SLC25A31: variants seen among roughly 807,000 people sequenced by gnomAD.
The protein encoded by SLC25A31 is solute carrier family 25 member 31.
SLC25A31 carries 40 observed loss-of-function variants against 36.2 expected under a neutral mutation model. The observed-to-expected ratio is 1.10, with a 90% CI of 0.86 to 1.44. The LOEUF is 1.44. Among genes scored for constraint, SLC25A31 ranks in the 40% most tolerant of loss-of-function variants. The pLI is 0.00. For missense variants in SLC25A31, 350 were observed against 397.1 expected (o/e 0.88, Z 1.01); for synonymous variants, 143 against 149.7 (o/e 0.96, Z 0.32).
intron 2 of SLC25A31, among the ~76,000 whole-genome samples, chr4:127,747,315 T>A (rs544401830): frequency 3.4e-4 from 52 of 152,318 alleles, no homozygotes; most frequent in Admixed American, 2.3e-3. Context: ...CATTGGTAGT[T>A]TGATAGGAAT....
chr4:127,749,779 A>G (rs1731894345), intron 2 of SLC25A31, among the ~76,000 whole-genome samples: 1 of 151,940 alleles, frequency 6.6e-6, no homozygotes. Context: ...AGGCTGGGAT[A>G]ACTCTGGTTA....
At chr4:127,733,069 A>C (rs1420028794) in intron 1 of SLC25A31, among the ~76,000 whole-genome samples, 1 of 152,212 alleles carries the variant, frequency 6.6e-6, no homozygotes, top group African/African-American at 2.4e-5. Context: ...GCCTAGAAAT[A>C]ACTTAACTCT....
chr4:127,731,429 G>A (rs1251639022), intron 1 of SLC25A31, among the ~76,000 whole-genome samples: 2 of 151,996 alleles, frequency 1.3e-5, no homozygotes, highest in East Asian at 1.9e-4. Flanking sequence ...AAGGCCAGGC[G>A]CGGTGGCTCA....
rs561961418 is a variant in SLC25A31 at position 127,766,157 on chromosome 4, T to G, written c.479-909T>G. Among the ~76,000 whole-genome samples the G allele has an allele frequency of 1.5e-4, 22 of 151,658 alleles. 1 individual carries two copies. Among genetic ancestry groups the G allele is most frequent in the East Asian group, 9.7e-4 (5 of 5,180 alleles). ...GTCCTGGAGTTTTTTTATTTGTTTT[T>G]TTTTTTGTTTTTTGTTTTTGTTTTT... On this transcript the variant is annotated intron_variant, in intron 3 of 5. Coordinates refer to ENST00000281154, the MANE Select transcript of SLC25A31 (RefSeq NM_031291.4).
At chr4:127,758,756 A>G (rs570069013) in intron 2 of SLC25A31, among the ~76,000 whole-genome samples, 1 of 151,844 alleles carries the variant, frequency 6.6e-6, no homozygotes, top group Non-Finnish European at 1.5e-5. Context: ...ATTATTGTCA[A>G]CTTTGTTAAA....
At chr4:127,742,824 A>G (rs1379559797) in intron 1 of SLC25A31, among the ~76,000 whole-genome samples, 1 of 152,080 alleles carries the variant, frequency 6.6e-6, no homozygotes, top group Non-Finnish European at 1.5e-5. Flanking sequence ...GAGTGTTGGT[A>G]TGTTGTGTTT....
At chr4:127,744,262 G>A (rs1375301332) in intron 1 of SLC25A31, among the ~76,000 whole-genome samples, 1 of 152,164 alleles carries the variant, frequency 6.6e-6, no homozygotes, top group Admixed American at 6.5e-5. Flanking sequence ...TCATAAGTAT[G>A]TGTACAAATC....
intron 2 of SLC25A31, among the ~76,000 whole-genome samples, chr4:127,760,561 T>C (rs955025873): frequency 4.6e-5 from 7 of 152,232 alleles, no homozygotes; most frequent in Non-Finnish European, 7.3e-5. Context: ...TGCTCCCAGC[T>C]CTCTTCCTTG....
At chr4:127,766,216 G>A (rs1732240500) in intron 3 of SLC25A31, among the ~76,000 whole-genome samples, 2 of 150,140 alleles carry the variant, frequency 1.3e-5, no homozygotes, top group African/African-American at 2.5e-5. Flanking sequence ...CACCCAGGCT[G>A]GAGTACAGTG....
At chr4:127,735,526 C>G (rs1436007343) in intron 1 of SLC25A31, among the ~76,000 whole-genome samples, 2 of 152,088 alleles carry the variant, frequency 1.3e-5, no homozygotes, top group African/African-American at 4.8e-5. Context: ...TGGTCCCTCC[C>G]TCTTAAGATG....
chr4:127,751,026 C>A (rs908286587), intron 2 of SLC25A31, among the ~76,000 whole-genome samples: 6 of 151,974 alleles, frequency 3.9e-5, no homozygotes, highest in Admixed American at 1.3e-4. Context: ...ACACATATAC[C>A]CCATCAAGCT....
Position 127,773,561 on chromosome 4 carries a change from T to G in SLC25A31, c.935T>G (p.Ile312Ser). The change falls in exon 6 of 6, where the codon ATT (isoleucine) becomes AGT (serine). Residue 312 changes from isoleucine (I) to serine (S), a missense_variant. By Grantham distance (142) the Ile-to-Ser change is moderately radical. Transcript: ENST00000281154. The stretch of plus-strand genomic sequence containing the variant: ...ATTAAAGAATTCTTTCATATTGATA[T>G]TGGTGGTAGGTAATCGGGAGAGTAA... Reference protein sequence around the residue: ...DKIKEFFHIDIGGR With the variant: ...DKIKEFFHIDSGGR 6.3e-7 allele frequency: 1 copy of G among 1,598,592 alleles called. No individual in the cohort carries two copies. Among genetic ancestry groups the G allele is most frequent in the Middle Eastern group, 1.7e-4 (1 of 5,882 alleles).
rs550629383 is a variant in SLC25A31, at chr4:127,768,956, A to T, written c.759+79A>T. The T allele has an allele frequency of 6.5e-5, 88 of 1,347,526 alleles. No homozygotes were observed. In the East Asian group the frequency reaches 2.2e-3, roughly 34 times the overall value. 83.5% of individuals were successfully genotyped at this position (1,347,526 alleles called of 1,614,324 possible). On this transcript the variant is annotated intron_variant, in intron 5 of 5. Coordinates refer to ENST00000281154, the MANE Select transcript of SLC25A31 (RefSeq NM_031291.4). ...TTAGGTATAATCAAATTTAAGAGAA[A>T]TGTTGGCTGAAAGGCATAAGTCATT...
intron 2 of SLC25A31, 36 bp from the exon 3 acceptor site, chr4:127,764,207 T>C (rs1266925663): frequency 1.9e-6 from 3 of 1,541,544 alleles, no homozygotes; most frequent in Non-Finnish European, 2.7e-6. Context: ...TTAGATTCTG[T>C]GGTTTAATAA....
intron 4 of SLC25A31, among the ~76,000 whole-genome samples, chr4:127,768,131 C>G (rs1273650200): frequency 6.6e-6 from 1 of 151,648 alleles, no homozygotes; most frequent in Non-Finnish European, 1.5e-5. Context: ...AAATTAATAT[C>G]AGTATTATTT....
intron 1 of SLC25A31, among the ~76,000 whole-genome samples, chr4:127,739,694 T>C (rs79352893): frequency 0.013 from 1,964 of 152,262 alleles, 22 homozygotes; most frequent in Non-Finnish European, 0.019. Flanking sequence ...TTGTTTACTT[T>C]TTCTGTTTCA....
chr4:127,773,185 C>T (rs775928234), intron 5 of SLC25A31, among the ~76,000 whole-genome samples: 23 of 152,096 alleles, frequency 1.5e-4, no homozygotes, highest in South Asian at 2.1e-4. Context: ...CATTTGTTAA[C>T]GCCTAATGTA....
chr4:127,753,936 T>C (rs1210770958), intron 2 of SLC25A31, among the ~76,000 whole-genome samples: 1 of 152,116 alleles, frequency 6.6e-6, no homozygotes, highest in Non-Finnish European at 1.5e-5. Flanking sequence ...GCAAACTGAA[T>C]TCACCTGCAC....
At position 127,773,612 on chromosome 4, in the gene SLC25A31, G is replaced by A. The variant is rs780929756; in HGVS notation, c.*38G>A. 30 of 1,458,918 alleles carry A rather than the reference G, an allele frequency of 2.1e-5. No homozygotes were observed. The highest frequency in any genetic ancestry group is 2.7e-5 in the Non-Finnish European group (29 of 1,093,900). 90.4% of individuals were successfully genotyped at this position (1,458,918 alleles called of 1,614,324 possible). On this transcript the variant is annotated 3_prime_UTR_variant, in exon 6 of 6. Transcript: ENST00000281154. ...ATTAAGAAATACATGGATTTAACTT[G>A]TTAAACATACAAATTACATAGCTGC...
Sources: allele counts gnomAD v4.1 joint callset (sites outside exome capture counted in the v4.1 genomes callset), GRCh38; gene constraint gnomAD v4.1.1; transcripts MANE v1.5; gene names NCBI Gene and HGNC (gene_info 2026-07-23, HGNC 2026-07-21).